Variants in PAX1 observed in about 807,000 individuals in gnomAD.
PAX1 encodes the protein paired box protein Pax-1.
A neutral mutation model predicts 35.6 loss-of-function variants in PAX1; 18 were observed. The ratio of observed to expected loss-of-function variants is 0.50; its 90% CI spans 0.35 to 0.75. The LOEUF is 0.75. Among genes scored for constraint, PAX1 ranks in the 30% least tolerant of loss-of-function variants. The pLI, the probability that PAX1 is intolerant of heterozygous loss-of-function variation, is 0.01. For missense variants in PAX1, 760 were observed against 661.5 expected (o/e 1.15, Z -1.63); for synonymous variants, 397 against 305.2 (o/e 1.30, Z -3.14).
In PAX1 at chr20:21,706,984, G is replaced by A; in HGVS notation, c.833G>A (p.Gly278Asp). 2 of 1,612,864 alleles carry A rather than the reference G, an allele frequency of 1.2e-6. No homozygotes were observed. Among genetic ancestry groups the A allele is most frequent in the Non-Finnish European group, 1.7e-6 (2 of 1,179,920 alleles). The change falls in exon 2 of 5, where the codon GGC becomes GAC. Residue 278 changes from glycine (G) to aspartate (D), a missense_variant. Gly to Asp is a moderately conservative substitution (Grantham distance 94, BLOSUM62 -1). This residue lies in a region of PAX1 where 490 missense variants were observed against 428.4 expected (regional missense o/e 1.14). Coordinates refer to ENST00000613128, the MANE Select transcript of PAX1 (RefSeq NM_001257096.2). The surrounding 1 kb of genome is among the most constrained non-coding windows in gnomAD (Gnocchi z 5.3). Reference sequence around the variant, plus strand: ...CACCCCGGGGTCCCGGGCACGGCGGGCCACGTCAGCATCCCGCGCTCATGG... The same window carrying A: ...CACCCCGGGGTCCCGGGCACGGCGGACCACGTCAGCATCCCGCGCTCATGG... ...GSHPGVPGTA[G>D]HVSIPRSWPS...
chr20:21,717,984 G>A lies in PAX1; in HGVS notation c.*3422G>A, dbSNP rs1985428477. The A allele has an allele frequency of 6.6e-6, 1 of 152,182 alleles. No individual in the cohort carries two copies. The highest frequency in any genetic ancestry group is 1.5e-5 in the Non-Finnish European group (1 of 68,034). The allele number at this position is 152,182 out of a possible 1,614,324, so 9.4% of individuals were successfully genotyped here. The stretch of plus-strand genomic sequence containing the variant: ...TTGAAAGTGCACACTAATGAGTTGT[G>A]CTGTGCACACACAGACATGAGCTGA... On this transcript the variant is annotated 3_prime_UTR_variant, in exon 5 of 5. Transcript: ENST00000613128.
At chr20:21,708,389 C>T in intron 2 of PAX1, 169 bp from the exon 3 acceptor site, 1 of 815,440 alleles carries the variant, frequency 1.2e-6, no homozygotes, top group South Asian at 1.4e-5. Flanking sequence ...CCGCCCCACC[C>T]GGAGTGGTGA....
chr20:21,710,116 G>A (rs555084186), intron 4 of PAX1, among the ~76,000 whole-genome samples: 1 of 152,016 alleles, frequency 6.6e-6, no homozygotes, highest in South Asian at 2.1e-4. Context: ...CTCTCTTTCT[G>A]TGGAAAATGT....
In PAX1 at chr20:21,706,760, C is replaced by A. The variant is rs1257944704; in HGVS notation, c.609C>A (p.Asp203Glu). ...AGATCCGCGACCGGCTGCTGGCCGACGGCGTCTGTGACAAGTACAATGTGC... is the reference window on the plus strand; with the variant it reads ...AGATCCGCGACCGGCTGCTGGCCGAAGGCGTCTGTGACAAGTACAATGTGC... ...AWEIRDRLLA[D>E]GVCDKYNVPS... Residue 203 changes from aspartate to glutamate, a missense_variant, in exon 2 of 5, where the codon GAC becomes GAA. This residue lies in a region of PAX1 where 490 missense variants were observed against 428.4 expected (regional missense o/e 1.14). Coordinates refer to ENST00000613128, the MANE Select transcript of PAX1 (RefSeq NM_001257096.2). This position sits in a 1 kb window ranked among gnomAD's most constrained non-coding sequence, Gnocchi z 5.3. The A allele has an allele frequency of 3.7e-6, 6 of 1,613,388 alleles. No individual in the cohort carries two copies. The highest frequency in any genetic ancestry group is 5.1e-6 in the Non-Finnish European group (6 of 1,180,036).
rs369969819 is a variant in PAX1 at position 21,705,687 on chromosome 20, C to T, written c.-26C>T. 6.5e-6 allele frequency: 8 copies of T among 1,235,380 alleles called. No homozygotes were observed. In the South Asian group the frequency reaches 2.9e-4, roughly 45 times the overall value. The allele number at this position is 1,235,380 out of a possible 1,614,324, so 76.5% of individuals were successfully genotyped here. A position where few individuals can be genotyped will look rare whatever the true frequency, so the allele number is the denominator to read the frequency against. On this transcript the variant is annotated 5_prime_UTR_variant, in exon 1 of 5. Transcript: ENST00000613128. The stretch of plus-strand genomic sequence containing the variant: ...TTGATTCCCGCACGCTGCAGCCTCC[C>T]GGTCAGACGAATTTCTCCCAATCGG...
In PAX1 at chr20:21,713,378, T is replaced by TGTGTG. The variant is rs770998874; in HGVS notation, c.1283-1093_1283-1092insGTGTG. ...TCAACGAAACCGTGTGTTTTCTTTT[T>TGTGTG]TTTTTGTGTGTGTGTGTGTGTGTGT... On this transcript the variant is annotated intron_variant, in intron 4 of 4. Coordinates refer to ENST00000613128, the MANE Select transcript of PAX1 (RefSeq NM_001257096.2). Among the ~76,000 whole-genome samples, 894 of 138,042 alleles carry TGTGTG rather than the reference T, an allele frequency of 6.5e-3. 9 individuals are homozygous for TGTGTG. The highest frequency in any genetic ancestry group is 0.019 in the South Asian group (84 of 4,320). The allele number at this position is 138,042 out of a possible 152,430, so 90.6% of individuals were successfully genotyped here.
At chr20:21,708,764 G>T in intron 3 of PAX1, 64 bp downstream of exon 3, 1 of 1,549,680 alleles carries the variant, frequency 6.5e-7, no homozygotes, top group Middle Eastern at 1.7e-4. Flanking sequence ...GGCAAGTGGG[G>T]AAAAAGAGAG....
In PAX1 at chr20:21,706,287, G is replaced by T; in HGVS notation, c.287-151G>T. On this transcript the variant is annotated intron_variant, in intron 1 of 4. Coordinates refer to ENST00000613128, the MANE Select transcript of PAX1 (RefSeq NM_001257096.2). The surrounding 1 kb of genome is among the most constrained non-coding windows in gnomAD (Gnocchi z 5.3). ...GCCCACTCCAAGCCAGACCCAGGCG[G>T]TTTGCCCTTGGACTCCGAGCTGTCT... is the stretch of plus-strand genomic sequence containing the variant. The T allele has an allele frequency of 9.3e-7, 1 of 1,073,882 alleles. No homozygotes were observed. Among genetic ancestry groups the T allele is most frequent in the Non-Finnish European group, 1.4e-6 (1 of 715,190 alleles). 66.5% of individuals were successfully genotyped at this position (1,073,882 alleles called of 1,614,324 possible). A position where few individuals can be genotyped will look rare whatever the true frequency, so the allele number is the denominator to read the frequency against.
Position 21,705,775 on chromosome 20 carries a change from G to A in PAX1, c.63G>A (p.Ala21=). Residue 21 remains alanine, a synonymous_variant, in exon 1 of 5, where the codon GCG becomes GCA. Coordinates refer to ENST00000613128, the MANE Select transcript of PAX1 (RefSeq NM_001257096.2). ...GAGTGTCCTGGGAGGGGGCAGCAGC[G>A]GCGGCGGCAGGCCCTGGAGCGGGCG... ...AWRVSWEGAA[A]AAAGPGAGGS... is the part of the protein sequence containing the mutation. The A allele has an allele frequency of 5.6e-6, 7 of 1,260,152 alleles. No individual in the cohort carries two copies. Among genetic ancestry groups the A allele is most frequent in the Admixed American group, 4.2e-5 (1 of 23,542 alleles). 78.1% of individuals were successfully genotyped at this position (1,260,152 alleles called of 1,614,324 possible).
Position 21,706,329 on chromosome 20 carries a change from C to T in PAX1, c.287-109C>T, listed in dbSNP as rs943962863. On this transcript the variant is annotated intron_variant, in intron 1 of 4. Transcript: ENST00000613128. This position sits in a 1 kb window ranked among gnomAD's most constrained non-coding sequence, Gnocchi z 5.3. ...GAGCTGTCTGGGGACCCACAGGTCACCTTTGGAAGTGCGCCTGGGTGCAGT... is the reference window on the plus strand; with the variant it reads ...GAGCTGTCTGGGGACCCACAGGTCATCTTTGGAAGTGCGCCTGGGTGCAGT... 4 of 1,445,858 alleles carry T rather than the reference C, an allele frequency of 2.8e-6. No homozygotes were observed. In the African/African-American group the frequency reaches 4.2e-5, roughly 15 times the overall value. The allele number at this position is 1,445,858 out of a possible 1,614,324, so 89.6% of individuals were successfully genotyped here.
rs1568693024 is a variant in PAX1, at chr20:21,705,941, A to AGCCCCGGCCACCCCGGCC, written c.230_247dup (p.Gly82_His83insArgProGlyHisProGly). 36 of 1,483,250 alleles carry AGCCCCGGCCACCCCGGCC rather than the reference A, an allele frequency of 2.4e-5. No individual in the cohort carries two copies. The highest frequency in any genetic ancestry group is 3.1e-5 in the Non-Finnish European group (35 of 1,125,080). The allele number at this position is 1,483,250 out of a possible 1,614,324, so 91.9% of individuals were successfully genotyped here. On this transcript the variant is annotated inframe_insertion, in exon 1 of 5. Coordinates refer to ENST00000613128, the MANE Select transcript of PAX1 (RefSeq NM_001257096.2). Reference sequence around the variant, plus strand: ...AGCTCTCCCGGACTGCGCCGGGCCCAGCCCCGGCCACCCCGGCCACCCCGG... The same window carrying AGCCCCGGCCACCCCGGCC: ...AGCTCTCCCGGACTGCGCCGGGCCCAGCCCCGGCCACCCCGGCCGCCCCGGCCACCCCGGCCACCCCGG...
intron 3 of PAX1, 90 bp downstream of exon 3, chr20:21,708,790 A>C: frequency 1.4e-6 from 2 of 1,390,934 alleles, no homozygotes; most frequent in Non-Finnish European, 2.0e-6. Context: ...GAAAAGAAAA[A>C]ATTTCCAGGC....
At position 21,705,831 on chromosome 20, in the gene PAX1, T is replaced by A; in HGVS notation, c.119T>A (p.Val40Asp). ...GSALRCRAQR[V>D]SSPRLGRRGS... ...GCGCTCCGCTGCCGCGCACAGCGCG[T>A]CTCCAGCCCGCGGCTGGGCCGCCGC... The change falls in exon 1 of 5, where the codon GTC becomes GAC. Residue 40 changes from valine to aspartate, a missense_variant. This residue lies in a region of PAX1 where 222 missense variants were observed against 153.0 expected (regional missense o/e 1.45). Transcript: ENST00000613128. 1 of 1,357,838 alleles carries A rather than the reference T, an allele frequency of 7.4e-7. No individual in the cohort carries two copies. The highest frequency in any genetic ancestry group is 2.9e-5 in the Admixed American group (1 of 34,072). 84.1% of individuals were successfully genotyped at this position (1,357,838 alleles called of 1,614,324 possible). A position where few individuals can be genotyped will look rare whatever the true frequency, so the allele number is the denominator to read the frequency against.
chr20:21,706,303 C>CG lies in PAX1; in HGVS notation c.287-134dup. On this transcript the variant is annotated intron_variant, in intron 1 of 4. Coordinates refer to ENST00000613128, the MANE Select transcript of PAX1 (RefSeq NM_001257096.2). This position sits in a 1 kb window ranked among gnomAD's most constrained non-coding sequence, Gnocchi z 5.3. Reference sequence around the variant, plus strand: ...ACCCAGGCGGTTTGCCCTTGGACTCCGAGCTGTCTGGGGACCCACAGGTCA... The same window carrying CG: ...ACCCAGGCGGTTTGCCCTTGGACTCCGGAGCTGTCTGGGGACCCACAGGTCA... 8.1e-7 allele frequency: 1 copy of CG among 1,233,144 alleles called. No individual in the cohort carries two copies. Among genetic ancestry groups the CG allele is most frequent in the African/African-American group, 1.5e-5 (1 of 67,608 alleles). The allele number at this position is 1,233,144 out of a possible 1,614,324, so 76.4% of individuals were successfully genotyped here. A position where few individuals can be genotyped will look rare whatever the true frequency, so the allele number is the denominator to read the frequency against.
At chr20:21,710,201 G>A (rs1600327607) in intron 4 of PAX1, among the ~76,000 whole-genome samples, 2 of 152,062 alleles carry the variant, frequency 1.3e-5, no homozygotes, top group East Asian at 3.9e-4. Context: ...GAAAAGTCGA[G>A]GAACAGATTT....
rs1321162847 is a variant in PAX1, at chr20:21,714,669, G to C, written c.*107G>C. On this transcript the variant is annotated 3_prime_UTR_variant, in exon 5 of 5. Coordinates refer to ENST00000613128, the MANE Select transcript of PAX1 (RefSeq NM_001257096.2). ...CGGCACGGGCAGGATCGGAGGACTC[G>C]CGGAGGAGGAAGCCAGTGCCGGCCC... 14 of 1,603,712 alleles carry C rather than the reference G, an allele frequency of 8.7e-6. No individual in the cohort carries two copies. The highest frequency in any genetic ancestry group is 1.1e-5 in the South Asian group (1 of 90,680).
rs752568039 is a variant in PAX1 at position 21,717,836 on chromosome 20, T to G, written c.*3274T>G. ...CTCAAGCAGTACAGAAACATTAAAA[T>G]GAAAAGTGGAAGTTCTTCCTGCTCT... On this transcript the variant is annotated 3_prime_UTR_variant, in exon 5 of 5. Transcript: ENST00000613128. 1 of 152,322 alleles carries G rather than the reference T, an allele frequency of 6.6e-6. No individual in the cohort carries two copies. The highest frequency in any genetic ancestry group is 3.4e-3 in the Middle Eastern group (1 of 294). The allele number at this position is 152,322 out of a possible 1,614,324, so 9.4% of individuals were successfully genotyped here. A position where few individuals can be genotyped will look rare whatever the true frequency, so the allele number is the denominator to read the frequency against.
chr20:21,706,123 C>T lies in PAX1; in HGVS notation c.286+125C>T. 1 of 849,234 alleles carries T rather than the reference C, an allele frequency of 1.2e-6. No homozygotes were observed. The highest frequency in any genetic ancestry group is 1.9e-6 in the Non-Finnish European group (1 of 534,034). 52.6% of individuals were successfully genotyped at this position (849,234 alleles called of 1,614,324 possible). ...TCCTGGGTCCTGGAGAAGCTGCATTCTCCTCTGATCCCCAGCCTTCAGGGG... is the reference window on the plus strand; with the variant it reads ...TCCTGGGTCCTGGAGAAGCTGCATTTTCCTCTGATCCCCAGCCTTCAGGGG... On this transcript the variant is annotated intron_variant, in intron 1 of 4. Coordinates refer to ENST00000613128, the MANE Select transcript of PAX1 (RefSeq NM_001257096.2). This position sits in a 1 kb window ranked among gnomAD's most constrained non-coding sequence, Gnocchi z 5.3.
At position 21,714,841 on chromosome 20, in the gene PAX1, G is replaced by T; in HGVS notation, c.*279G>T. 1 of 1,535,320 alleles carries T rather than the reference G, an allele frequency of 6.5e-7. No homozygotes were observed. Among genetic ancestry groups the T allele is most frequent in the Non-Finnish European group, 8.9e-7 (1 of 1,121,744 alleles). ...TCCTCACAATCCTTGCTCTGACGTG[G>T]CCTCCTTCGCTCTGCCAGCTTCAAA... On this transcript the variant is annotated 3_prime_UTR_variant, in exon 5 of 5. Transcript: ENST00000613128.
Sources: allele counts gnomAD v4.1 joint callset (sites outside exome capture counted in the v4.1 genomes callset), GRCh38; gene constraint gnomAD v4.1.1; regional missense constraint gnomAD v4.1.1; non-coding constraint Gnocchi (gnomAD v3.1); transcripts MANE v1.5; gene names NCBI Gene and HGNC (gene_info 2026-07-23, HGNC 2026-07-21).